The following CHD6 variants were observed in gnomAD, a reference collection of about 807,000 sequenced individuals.
CHD6 encodes the protein ATP-dependent chromatin remodeler CHD6.
Under a neutral mutation model 276.9 loss-of-function variants are expected in CHD6, and 50 were observed. The observed-to-expected ratio is 0.18, with a 90% CI of 0.14 to 0.23. The LOEUF is 0.23. Among genes scored for constraint, CHD6 ranks in the 10% least tolerant of loss-of-function variants. CHD6 has a pLI of 1.00. For missense variants in CHD6, 2,564 were observed against 3,365.8 expected, an observed-to-expected ratio of 0.76 and a Z score of 5.89; for synonymous variants, 1,173 against 1,229.3, an observed-to-expected ratio of 0.95 and a Z score of 0.96.
chr20:41,513,011 A>G lies in CHD6; in HGVS notation c.703-16T>C. The G allele has an allele frequency of 1.2e-6, 2 of 1,613,820 alleles. No homozygotes were observed. On this transcript the variant is annotated splice_polypyrimidine_tract_variant and intron_variant, in intron 4 of 36. Coordinates refer to ENST00000373233, the MANE Select transcript of CHD6 (RefSeq NM_032221.5). The stretch of plus-strand genomic sequence containing the variant: ...AGCGTCGTTTCTGTAGGGCAAACAC[A>G]CCCGTCAGAGAAGCTCTCTGAGTGA...
Position 41,533,580 on chromosome 20 carries a change from A to C in CHD6, c.34-10T>G, listed in dbSNP as rs530680863. 10 of 1,587,638 alleles carry C rather than the reference A, an allele frequency of 6.3e-6. No individual in the cohort carries two copies. The East Asian group carries it at 2.2e-4, about 35-fold the overall frequency. On this transcript the variant is annotated splice_polypyrimidine_tract_variant and intron_variant, in intron 2 of 36. Coordinates refer to ENST00000373233, the MANE Select transcript of CHD6 (RefSeq NM_032221.5). ...CTTTTAAATTTGACAACTGTAAAAG[A>C]AAGAGAAACAAGCATATTACCCTTC...
intron 17 of CHD6, among the ~76,000 whole-genome samples, chr20:41,466,400 C>T (rs1569109282): frequency 2.0e-5 from 3 of 152,078 alleles, no homozygotes; most frequent in African/African-American, 7.2e-5. Context: ...AGTCTTCATT[C>T]TTTTTTCAAA....
chr20:41,575,483 A>T (rs560498302), intron 1 of CHD6, among the ~76,000 whole-genome samples: 1 of 152,202 alleles, frequency 6.6e-6, no homozygotes, highest in African/African-American at 2.4e-5. Flanking sequence ...CATAAATACC[A>T]AGTGAATACC....
At chr20:41,587,932 G>A (rs1385405974) in intron 1 of CHD6, among the ~76,000 whole-genome samples, 1 of 152,118 alleles carries the variant, frequency 6.6e-6, no homozygotes, top group Non-Finnish European at 1.5e-5. Context: ...AGTAAACGCT[G>A]AGAAGTCATG....
At chr20:41,610,514 C>A (rs977998040) in intron 1 of CHD6, among the ~76,000 whole-genome samples, 9 of 152,126 alleles carry the variant, frequency 5.9e-5, no homozygotes, top group Non-Finnish European at 1.0e-4. Flanking sequence ...GTAATCCCAG[C>A]ACTTTGAGAG....
chr20:41,496,482 G>A (rs1002832916), intron 8 of CHD6, among the ~76,000 whole-genome samples: 2 of 152,226 alleles, frequency 1.3e-5, no homozygotes, highest in African/African-American at 2.4e-5. Context: ...TTTCCTCCAC[G>A]TGTGCTTTAG....
intron 27 of CHD6, among the ~76,000 whole-genome samples, chr20:41,431,775 G>GTTTTTTTTTTTTTT (rs1274097382): frequency 4.1e-4 from 35 of 86,076 alleles, no homozygotes; most frequent in Non-Finnish European, 6.3e-4. Flanking sequence ...GAAAAAACAT[G>GTTTTTTTTTTTTTT]CTTTTTTTTT....
chr20:41,455,087 G>T (rs1413572712), intron 19 of CHD6, among the ~76,000 whole-genome samples: 1 of 152,138 alleles, frequency 6.6e-6, no homozygotes, highest in Non-Finnish European at 1.5e-5. Flanking sequence ...TTCTTTCAGT[G>T]CAACAGTTAC....
At chr20:41,407,840 G>A (rs1014169829) in intron 36 of CHD6, among the ~76,000 whole-genome samples, 3 of 152,154 alleles carry the variant, frequency 2.0e-5, no homozygotes. Context: ...GAGACGCCAC[G>A]AAGGAAGCAC....
intron 1 of CHD6, among the ~76,000 whole-genome samples, chr20:41,574,572 T>C (rs1439243185): frequency 6.6e-6 from 1 of 152,164 alleles, no homozygotes; most frequent in Non-Finnish European, 1.5e-5. Context: ...TCAAACCTTA[T>C]GATGAAATAC....
chr20:41,482,626 C>T (rs1159607326), intron 16 of CHD6: 1 of 452,250 alleles, frequency 2.2e-6, no homozygotes, highest in Admixed American at 2.5e-5. Context: ...TTTAAAAACT[C>T]ATTTGTCATC....
At chr20:41,528,313 T>C (rs1473323583) in intron 3 of CHD6, among the ~76,000 whole-genome samples, 4 of 152,136 alleles carry the variant, frequency 2.6e-5, no homozygotes, top group African/African-American at 7.2e-5. Flanking sequence ...ATACCAGCCA[T>C]GTACAGCTAT....
intron 2 of CHD6, among the ~76,000 whole-genome samples, chr20:41,539,631 A>G (rs529297277): frequency 6.6e-6 from 1 of 152,348 alleles, no homozygotes; most frequent in East Asian, 1.9e-4. Context: ...CAAATTAGAT[A>G]AAAATACAAC....
At chr20:41,601,056 A>G (rs970316760) in intron 1 of CHD6, among the ~76,000 whole-genome samples, 12 of 152,168 alleles carry the variant, frequency 7.9e-5, no homozygotes, top group African/African-American at 2.9e-4. Flanking sequence ...CTTTCCAGGA[A>G]TTTTCACTTA....
At position 41,535,496 on chromosome 20, in the gene CHD6, T is replaced by C. The variant is rs114072497; in HGVS notation, c.34-1926A>G. ...AAGCTCACACCCAATTCATTGAGCA[T>C]TGTATGACCTCCTGGGGAACTACAA... On this transcript the variant is annotated intron_variant, in intron 2 of 36. Coordinates refer to ENST00000373233, the MANE Select transcript of CHD6 (RefSeq NM_032221.5). Among the ~76,000 whole-genome samples the C allele has an allele frequency of 9.0e-3, 1,372 of 152,280 alleles. 26 individuals are homozygous for C. The highest frequency in any genetic ancestry group is 0.031 in the African/African-American group (1,301 of 41,560).
At chr20:41,428,835 C>T (rs1039968617) in intron 27 of CHD6, among the ~76,000 whole-genome samples, 4 of 152,150 alleles carry the variant, frequency 2.6e-5, no homozygotes, top group Admixed American at 6.5e-5. Context: ...TGAGCTCCCT[C>T]GTCTCTACAA....
chr20:41,522,645 C>T (rs1016207918), intron 3 of CHD6, among the ~76,000 whole-genome samples: 55 of 151,880 alleles, frequency 3.6e-4, no homozygotes, highest in Admixed American at 1.6e-3. Context: ...GAAACATGCG[C>T]GCACGCGTGC....
At chr20:41,543,102 CAA>C (rs568067367) in intron 2 of CHD6, among the ~76,000 whole-genome samples, 32 of 80,656 alleles carry the variant, frequency 4.0e-4, no homozygotes, top group Admixed American at 5.0e-4. Context: ...GACTCTGTCT[CAA>C]AAAAAAAAAA....
chr20:41,500,694 T>A (rs1008385071), intron 5 of CHD6, among the ~76,000 whole-genome samples: 1 of 152,196 alleles, frequency 6.6e-6, no homozygotes, highest in South Asian at 2.1e-4. Flanking sequence ...GTTCACTGTT[T>A]ATTGCTGTCT....
Sources: allele counts gnomAD v4.1 joint callset (sites outside exome capture counted in the v4.1 genomes callset), GRCh38; gene constraint gnomAD v4.1.1; transcripts MANE v1.5; gene names NCBI Gene and HGNC (gene_info 2026-07-23, HGNC 2026-07-21).